Variants in DYM observed in about 807,000 individuals in gnomAD.
The protein encoded by DYM is dyggve-Melchior-Clausen syndrome protein.
DYM carries 78 observed loss-of-function variants against 93.1 expected under a neutral mutation model. The ratio of observed to expected loss-of-function variants is 0.84; its 90% CI spans 0.70 to 1.01. The LOEUF (loss-of-function observed/expected upper bound fraction) is 1.01. Ranked by LOEUF, DYM falls within the 50% of genes least tolerant of loss-of-function variation. The pLI is 0.00. For missense variants in DYM, 789 were observed against 845.0 expected (o/e 0.93, Z 0.82); for synonymous variants, 321 against 319.7 (o/e 1.00, Z -0.04).
intron 5 of DYM, among the ~76,000 whole-genome samples, chr18:49,366,237 T>C (rs763326739): frequency 6.6e-6 from 1 of 152,236 alleles, no homozygotes; most frequent in Non-Finnish European, 1.5e-5. Flanking sequence ...CTAGCACTTA[T>C]ATCACCTTAG....
chr18:49,164,716 A>C (rs1324165434), intron 14 of DYM, among the ~76,000 whole-genome samples: 1 of 152,262 alleles, frequency 6.6e-6, no homozygotes, highest in Non-Finnish European at 1.5e-5. Flanking sequence ...CAGGAGCTGT[A>C]AATTAAACAG....
At chr18:49,300,115 A>T (rs1233668379) in intron 8 of DYM, among the ~76,000 whole-genome samples, 1 of 147,452 alleles carries the variant, frequency 6.8e-6, no homozygotes, top group Non-Finnish European at 1.5e-5. Context: ...AAATACATAA[A>T]TATATACATA....
intron 15 of DYM, among the ~76,000 whole-genome samples, chr18:49,130,255 C>A (rs1187224355): frequency 2.0e-5 from 3 of 152,148 alleles, no homozygotes; most frequent in South Asian, 2.1e-4. Context: ...CAGACTCCAC[C>A]CTTTAAGCAT....
intron 17 of DYM, among the ~76,000 whole-genome samples, chr18:49,074,429 T>C (rs770562371): frequency 5.9e-5 from 9 of 152,180 alleles, no homozygotes; most frequent in African/African-American, 2.2e-4. Flanking sequence ...TTGGTATCTA[T>C]GGCGGGTGTT....
intron 17 of DYM, among the ~76,000 whole-genome samples, chr18:49,089,367 C>G (rs1360582226): frequency 6.6e-6 from 1 of 152,206 alleles, no homozygotes; most frequent in Non-Finnish European, 1.5e-5. Context: ...TTTTACTACT[C>G]TGTCTCATTT....
intron 17 of DYM, among the ~76,000 whole-genome samples, chr18:49,047,711 A>AT (rs1395179576): frequency 1.3e-5 from 2 of 152,068 alleles, no homozygotes; most frequent in Non-Finnish European, 2.9e-5. Flanking sequence ...TGTTGATTCC[A>AT]GCCCGACATG....
At position 49,162,352 on chromosome 18, in the gene DYM, A is replaced by G. The variant is rs566625516; in HGVS notation, c.1728+1333T>C. Among the ~76,000 whole-genome samples, 5 of 152,258 alleles carry G rather than the reference A, an allele frequency of 3.3e-5. No homozygotes were observed. The South Asian group carries it at 8.3e-4, about 25-fold the overall frequency. ...GGTCAAGGAGATGCAGCTGGTGAGA[A>G]CCTTCTTGCTAGTGGTGACTCTCTG... On this transcript the variant is annotated intron_variant, in intron 15 of 17. Transcript: ENST00000675505.
intron 10 of DYM, 51 bp from the exon 11 acceptor site, chr18:49,272,354 A>T: frequency 8.5e-7 from 1 of 1,174,652 alleles, no homozygotes; most frequent in Non-Finnish European, 1.3e-6. Context: ...TTATAAATCC[A>T]AATGTTTTAA....
intron 13 of DYM, among the ~76,000 whole-genome samples, chr18:49,227,413 A>G (rs902824032): frequency 2.6e-5 from 4 of 152,182 alleles, no homozygotes; most frequent in Admixed American, 1.3e-4. Context: ...ATGCTACATA[A>G]CGGTAAGAGT....
chr18:49,412,236 T>TTAA (rs2072332157), intron 2 of DYM, among the ~76,000 whole-genome samples: 1 of 135,096 alleles, frequency 7.4e-6, no homozygotes, highest in Non-Finnish European at 1.6e-5. Context: ...AACATTGACT[T>TTAA]AAAAAAAAAA....
intron 8 of DYM, among the ~76,000 whole-genome samples, chr18:49,308,166 C>G (rs980586957): frequency 3.9e-5 from 6 of 151,956 alleles, no homozygotes; most frequent in African/African-American, 1.5e-4. Flanking sequence ...AGACCAAAAA[C>G]AGCTATTTTT....
intron 14 of DYM, among the ~76,000 whole-genome samples, chr18:49,203,871 TAAAA>T (rs71165370): frequency 1.7e-4 from 11 of 63,536 alleles, no homozygotes; most frequent in East Asian, 6.1e-4. Context: ...TTTAAAAAAG[TAAAA>T]AAAAAAAAAA....
intron 3 of DYM, among the ~76,000 whole-genome samples, chr18:49,385,516 T>C (rs2068517004): frequency 6.6e-6 from 1 of 152,008 alleles, no homozygotes; most frequent in African/African-American, 2.4e-5. Flanking sequence ...ACTGACATGG[T>C]GAAACTCCAA....
rs940999422 is a variant in DYM at position 49,146,224 on chromosome 18, C to T, written c.1728+17461G>A. Among the ~76,000 whole-genome samples the T allele has an allele frequency of 3.9e-5, 6 of 152,140 alleles. No individual in the cohort carries two copies. The South Asian group carries it at 1.2e-3, about 31-fold the overall frequency. On this transcript the variant is annotated intron_variant, in intron 15 of 17. Coordinates refer to ENST00000675505, the MANE Select transcript of DYM (RefSeq NM_001353214.3). Reference sequence around the variant, plus strand: ...AAATAGAAAGCTATTTATGACAAACCCACAGCTGATATCATACTGAATGGG... The same window carrying T: ...AAATAGAAAGCTATTTATGACAAACTCACAGCTGATATCATACTGAATGGG...
At position 49,292,599 on chromosome 18, in the gene DYM, A is replaced by C. The variant is rs1352139958; in HGVS notation, c.764-5983T>G. On this transcript the variant is annotated intron_variant, in intron 8 of 17. Coordinates refer to ENST00000675505, the MANE Select transcript of DYM (RefSeq NM_001353214.3). ...AATTGCATTTTCCTGTTGGAAAAAA[A>C]AAAAAAAAAAAAAAAAAAAAAAAAA... 1.8e-3 allele frequency among the ~76,000 whole-genome samples: 117 copies of C among 64,024 alleles called. 2 individuals carry two copies. The East Asian group carries it at 0.033, about 18-fold the overall frequency. The allele number at this position is 64,024 out of a possible 152,430, so 42.0% of individuals were successfully genotyped here.
At chr18:49,430,808 C>T (rs906316195) in intron 1 of DYM, among the ~76,000 whole-genome samples, 3 of 151,868 alleles carry the variant, frequency 2.0e-5, no homozygotes, top group African/African-American at 7.3e-5. Flanking sequence ...TCACATGAAC[C>T]CAGGAGGCAG....
chr18:49,354,475 A>G (rs2065373761), intron 6 of DYM, among the ~76,000 whole-genome samples: 1 of 152,096 alleles, frequency 6.6e-6, no homozygotes, highest in South Asian at 2.1e-4. Flanking sequence ...TATTCTGTGA[A>G]AGACACTGTG....
chr18:49,259,073 A>C (rs1189282856), intron 11 of DYM, among the ~76,000 whole-genome samples: 1 of 151,984 alleles, frequency 6.6e-6, no homozygotes. Flanking sequence ...TTTCTCCGTG[A>C]CTCAAGGAGA....
intron 13 of DYM, among the ~76,000 whole-genome samples, chr18:49,252,627 T>A (rs777994465): frequency 1.7e-4 from 26 of 152,074 alleles, no homozygotes; most frequent in Non-Finnish European, 2.9e-4. Context: ...GTAGATAAAG[T>A]CATAGACATA....
Sources: allele counts gnomAD v4.1 joint callset (sites outside exome capture counted in the v4.1 genomes callset), GRCh38; gene constraint gnomAD v4.1.1; transcripts MANE v1.5; gene names NCBI Gene and HGNC (gene_info 2026-07-23, HGNC 2026-07-21).